The following GPC5 variants were observed in gnomAD, a reference collection of about 807,000 sequenced individuals.
GPC5 encodes the protein glypican 5, also known as glypican-5.
GPC5 carries 47 observed loss-of-function variants against 53.9 expected under a neutral mutation model. That is an observed-to-expected ratio of 0.87 (90% CI 0.69 to 1.11). GPC5 has a LOEUF of 1.11. GPC5 is among the 50% of genes most tolerant of loss of function. The pLI is 0.00. For synonymous variants in GPC5, 286 were observed against 263.3 expected (o/e 1.09, Z -0.84); for missense variants, 748 against 713.1 (o/e 1.05, Z -0.56).
At chr13:92,702,335 T>TCAAA (rs1409456182) in intron 7 of GPC5, among the ~76,000 whole-genome samples, 3 of 152,134 alleles carry the variant, frequency 2.0e-5, no homozygotes, top group Non-Finnish European at 4.4e-5. Flanking sequence ...AAATCTTTAT[T>TCAAA]CAAACATCTC....
At chr13:91,462,147 G>A (rs1319966171) in intron 2 of GPC5, among the ~76,000 whole-genome samples, 1 of 152,122 alleles carries the variant, frequency 6.6e-6, no homozygotes, top group Admixed American at 6.6e-5. Context: ...CAGAGTCCAT[G>A]AGAAATTATT....
chr13:91,829,531 C>T (rs1298907464), intron 5 of GPC5, among the ~76,000 whole-genome samples: 1 of 152,010 alleles, frequency 6.6e-6, no homozygotes, highest in African/African-American at 2.4e-5. Flanking sequence ...ACAATGTATA[C>T]ACTAGAGTGT....
chr13:91,404,695 T>A (rs1002152611), intron 1 of GPC5, among the ~76,000 whole-genome samples: 1 of 152,248 alleles, frequency 6.6e-6, no homozygotes, highest in Non-Finnish European at 1.5e-5. Flanking sequence ...GTAAGTTGAA[T>A]GTGCAGTGTA....
intron 7 of GPC5, among the ~76,000 whole-genome samples, chr13:92,440,203 T>G (rs143108179): frequency 2.6e-5 from 4 of 152,174 alleles, no homozygotes; most frequent in Admixed American, 6.5e-5. Context: ...CCATTCCCCA[T>G]GTACTGAGAA....
intron 6 of GPC5, among the ~76,000 whole-genome samples, chr13:92,100,170 C>T (rs1466750737): frequency 1.3e-5 from 2 of 152,054 alleles, no homozygotes; most frequent in African/African-American, 2.4e-5. Context: ...TTTGGGAGGC[C>T]GAGGTGGGTG....
intron 7 of GPC5, among the ~76,000 whole-genome samples, chr13:92,699,957 A>G (rs539457461): frequency 6.6e-6 from 1 of 152,284 alleles, no homozygotes; most frequent in Admixed American, 6.5e-5. Flanking sequence ...CTTGTTCCAG[A>G]GATGAGTTCA....
intron 7 of GPC5, chr13:92,447,442 C>G (rs555088226): frequency 1.2e-4 from 18 of 151,612 alleles, no homozygotes; most frequent in Non-Finnish European, 4.4e-5. Context: ...GTAGCTAAGA[C>G]TAGAAGGAAC....
intron 7 of GPC5, among the ~76,000 whole-genome samples, chr13:92,624,560 A>G (rs1884985618): frequency 6.6e-6 from 1 of 152,232 alleles, no homozygotes; most frequent in Non-Finnish European, 1.5e-5. Flanking sequence ...GAATGATGGC[A>G]GAAGATGAGA....
At chr13:91,875,080 A>G (rs2039187238) in intron 5 of GPC5, among the ~76,000 whole-genome samples, 2 of 152,168 alleles carry the variant, frequency 1.3e-5, no homozygotes, top group Admixed American at 1.3e-4. Flanking sequence ...GTGGGTTTCA[A>G]TAGATTTGCA....
chr13:92,684,984 C>T lies in GPC5; in HGVS notation c.1562-181298C>T, dbSNP rs147108495. Among the ~76,000 whole-genome samples, 77 of 152,310 alleles carry T rather than the reference C, an allele frequency of 5.1e-4. 3 individuals are homozygous for T. Among genetic ancestry groups the T allele is most frequent in the Middle Eastern group, 6.8e-3 (2 of 294 alleles). On this transcript the variant is annotated intron_variant, in intron 7 of 7. Transcript: ENST00000377067. Reference sequence around the variant, plus strand: ...GTTTTAGTTTGCAATTTTCTAATGACATATGATGTTGAGCATCTTTTCATG... The same window carrying T: ...GTTTTAGTTTGCAATTTTCTAATGATATATGATGTTGAGCATCTTTTCATG...
At chr13:92,224,495 G>T (rs966113246) in intron 7 of GPC5, among the ~76,000 whole-genome samples, 3 of 152,204 alleles carry the variant, frequency 2.0e-5, no homozygotes, top group African/African-American at 7.2e-5. Flanking sequence ...TGCCTGCAAG[G>T]CTGGCCCTTG....
At chr13:92,519,385 A>C (rs924269762) in intron 7 of GPC5, among the ~76,000 whole-genome samples, 1 of 152,008 alleles carries the variant, frequency 6.6e-6, no homozygotes, top group Non-Finnish European at 1.5e-5. Context: ...GAAGTAAAAC[A>C]CTCCTCAGCA....
At chr13:92,429,880 A>G (rs1216920419) in intron 7 of GPC5, among the ~76,000 whole-genome samples, 1 of 152,108 alleles carries the variant, frequency 6.6e-6, no homozygotes, top group Non-Finnish European at 1.5e-5. Context: ...ACTTTGAGAC[A>G]GGATGAACAA....
At chr13:92,785,696 G>A (rs547627933) in intron 7 of GPC5, among the ~76,000 whole-genome samples, 1 of 152,126 alleles carries the variant, frequency 6.6e-6, no homozygotes, top group Non-Finnish European at 1.5e-5. Context: ...ATGTATCCAG[G>A]ACAGCGTCTA....
intron 1 of GPC5, among the ~76,000 whole-genome samples, chr13:91,425,421 A>G (rs1389043021): frequency 6.6e-6 from 1 of 152,076 alleles, no homozygotes; most frequent in African/African-American, 2.4e-5. Context: ...ACCTGGTGGG[A>G]AGTGATTGGA....
In GPC5 at chr13:92,550,501, C is replaced by A. The variant is rs192245420; in HGVS notation, c.1562-315781C>A. 1.7e-3 allele frequency among the ~76,000 whole-genome samples: 257 copies of A among 151,860 alleles called. 1 individual carries two copies. Among genetic ancestry groups the A allele is most frequent in the African/African-American group, 6.1e-3 (252 of 41,508 alleles). On this transcript the variant is annotated intron_variant, in intron 7 of 7. Coordinates refer to ENST00000377067, the MANE Select transcript of GPC5 (RefSeq NM_004466.6). ...GAAATAACTGGGTATCAAAATGGAT[C>A]TCTTTTGTCTTGATTTTCAATCAGG...
At chr13:92,592,887 G>A (rs1034846238) in intron 7 of GPC5, among the ~76,000 whole-genome samples, 2 of 150,944 alleles carry the variant, frequency 1.3e-5, no homozygotes, top group Non-Finnish European at 3.0e-5. Flanking sequence ...TGCTTCGGTG[G>A]CCCTCATGCG....
At chr13:91,943,330 G>A (rs1245967230) in intron 6 of GPC5, among the ~76,000 whole-genome samples, 1 of 151,564 alleles carries the variant, frequency 6.6e-6, no homozygotes, top group Admixed American at 6.6e-5. Flanking sequence ...TTTAAGAAAA[G>A]TTTATTGCTT....
intron 7 of GPC5, among the ~76,000 whole-genome samples, chr13:92,252,584 C>G (rs1454618010): frequency 1.3e-5 from 2 of 151,892 alleles, no homozygotes; most frequent in Non-Finnish European, 2.9e-5. Context: ...TATGTATTTA[C>G]ATATCTAGGC....
Sources: allele counts gnomAD v4.1 joint callset (sites outside exome capture counted in the v4.1 genomes callset), GRCh38; gene constraint gnomAD v4.1.1; transcripts MANE v1.5; gene names NCBI Gene and HGNC (gene_info 2026-07-23, HGNC 2026-07-21).